The following WDR33 variants were observed in gnomAD, a reference collection of about 807,000 sequenced individuals.
WDR33 encodes the protein pre-mRNA 3' end processing protein WDR33.
A neutral mutation model predicts 164.9 loss-of-function variants in WDR33; 47 were observed. The observed-to-expected ratio is 0.29, with a 90% confidence interval of 0.23 to 0.36. The LOEUF (loss-of-function observed/expected upper bound fraction) is 0.36. Among genes scored for constraint, WDR33 ranks in the 10% least tolerant of loss-of-function variants. The pLI is 1.00. For missense variants in WDR33, 1,137 were observed against 1,754.1 expected (o/e 0.65, Z 6.28); for synonymous variants, 505 against 589.0 (o/e 0.86, Z 2.06).
rs1368572072 is a variant in WDR33 at position 127,704,898 on chromosome 2, G to C, written c.*1425C>G. The C allele has an allele frequency of 6.2e-6, 1 of 162,160 alleles. No homozygotes were observed. The highest frequency in any genetic ancestry group is 1.5e-5 in the Non-Finnish European group (1 of 68,102). The allele number at this position is 162,160 out of a possible 1,614,324, so 10.0% of individuals were successfully genotyped here. On this transcript the variant is annotated 3_prime_UTR_variant, in exon 22 of 22. Coordinates refer to ENST00000322313, the MANE Select transcript of WDR33 (RefSeq NM_018383.5). ...AGCCCAGGAGTTTGAAACCAGCATA[G>C]ACAAAGTGGTGAAACTCCATCTCTA...
chr2:127,731,294 CAAAAAAA>C (rs35161101), intron 7 of WDR33, among the ~76,000 whole-genome samples: 1 of 70,330 alleles, frequency 1.4e-5, no homozygotes, highest in Non-Finnish European at 2.7e-5. Flanking sequence ...GACCCTGCCT[CAAAAAAA>C]AAAAAAAAAA....
rs1686230459 is a variant in WDR33 at position 127,713,621 on chromosome 2, A to G, written c.3270T>C (p.Asp1090=). The G allele has an allele frequency of 6.2e-7, 1 of 1,614,108 alleles. No homozygotes were observed. The highest frequency in any genetic ancestry group is 1.3e-5 in the African/African-American group (1 of 74,944). The change falls in exon 18 of 22, where the codon GAT becomes GAC. Residue 1090 remains aspartate, a synonymous_variant. Coordinates refer to ENST00000322313, the MANE Select transcript of WDR33 (RefSeq NM_018383.5). The surrounding 1 kb of genome is among the most constrained non-coding windows in gnomAD (Gnocchi z 6.2). ...RRPGDERFPR[D]PEDPRFRGRR... is the part of the protein sequence containing the mutation. ...GCCCTCGAAAACGTGGGTCCTCGGGATCCCGGGGGAAACGTTCATCTCCGG... is the reference window on the plus strand; with the variant it reads ...GCCCTCGAAAACGTGGGTCCTCGGGGTCCCGGGGGAAACGTTCATCTCCGG...
chr2:127,706,239 G>A lies in WDR33; in HGVS notation c.*84C>T. The A allele has an allele frequency of 3.1e-6, 4 of 1,294,322 alleles. No homozygotes were observed. The highest frequency in any genetic ancestry group is 4.2e-6 in the Non-Finnish European group (4 of 960,752). 80.2% of individuals were successfully genotyped at this position (1,294,322 alleles called of 1,614,324 possible). On this transcript the variant is annotated 3_prime_UTR_variant, in exon 22 of 22. Transcript: ENST00000322313. This position sits in a 1 kb window ranked among gnomAD's most constrained non-coding sequence, Gnocchi z 5.1. ...AAGAGTTCAGGGCTACAATGGTGCA[G>A]GCTTCCTTTTGTTTCTCTTGGTGAG...
At position 127,709,011 on chromosome 2, in the gene WDR33, G is replaced by T; in HGVS notation, c.3566-119C>A. The T allele has an allele frequency of 8.9e-7, 1 of 1,119,812 alleles. No individual in the cohort carries two copies. The highest frequency in any genetic ancestry group is 1.2e-6 in the Non-Finnish European group (1 of 830,424). The allele number at this position is 1,119,812 out of a possible 1,614,324, so 69.4% of individuals were successfully genotyped here. ...CACCGTTCACTCATGCTGAATGCCC[G>T]CCAGAGGCCAAAGGGTAAGCCACCC... On this transcript the variant is annotated intron_variant, in intron 20 of 21. Coordinates refer to ENST00000322313, the MANE Select transcript of WDR33 (RefSeq NM_018383.5). The surrounding 1 kb of genome is among the most constrained non-coding windows in gnomAD (Gnocchi z 5.0).
chr2:127,723,929 T>C lies in WDR33; in HGVS notation c.1196+404A>G, dbSNP rs1320564063. 8.6e-5 allele frequency among the ~76,000 whole-genome samples: 13 copies of C among 151,844 alleles called. No homozygotes were observed. Among genetic ancestry groups the C allele is most frequent in the African/African-American group, 3.1e-4 (13 of 41,316 alleles). On this transcript the variant is annotated intron_variant, in intron 11 of 21. Coordinates refer to ENST00000322313, the MANE Select transcript of WDR33 (RefSeq NM_018383.5). This position sits in a 1 kb window ranked among gnomAD's most constrained non-coding sequence, Gnocchi z 5.9. ...CCATCTCTACAAAAAATGCAAAAAT[T>C]AGCCAGGTGTGGTGGTGTGCTCCTA...
rs1421544775 is a variant in WDR33 at position 127,706,830 on chromosome 2, C to G, written c.3782-278G>C. Among the ~76,000 whole-genome samples, 1 of 152,226 alleles carries G rather than the reference C, an allele frequency of 6.6e-6. No homozygotes were observed. The highest frequency in any genetic ancestry group is 6.5e-5 in the Admixed American group (1 of 15,280). ...GAAGCCAAGAGATGAGCAAGGAGCA[C>G]CTTCAGGGAGACCCGGGCCACACTG... On this transcript the variant is annotated intron_variant, in intron 21 of 21. Transcript: ENST00000322313. This position sits in a 1 kb window ranked among gnomAD's most constrained non-coding sequence, Gnocchi z 5.1.
chr2:127,810,409 C>T (rs1035698315), intron 1 of WDR33, among the ~76,000 whole-genome samples: 1 of 152,170 alleles, frequency 6.6e-6, no homozygotes, highest in East Asian at 1.9e-4. Context: ...ATTGTCATTT[C>T]TTTTAAGAAG....
intron 1 of WDR33, among the ~76,000 whole-genome samples, chr2:127,786,144 T>A (rs1293957129): frequency 6.6e-6 from 1 of 152,214 alleles, no homozygotes; most frequent in Non-Finnish European, 1.5e-5. Flanking sequence ...AACAATCCTC[T>A]CACCTCAGCC....
In WDR33 at chr2:127,708,743, G is replaced by C; in HGVS notation, c.3715C>G (p.Pro1239Ala). 1 of 1,613,840 alleles carries C rather than the reference G, an allele frequency of 6.2e-7. No homozygotes were observed. Among genetic ancestry groups the C allele is most frequent in the Non-Finnish European group, 8.5e-7 (1 of 1,179,858 alleles). Residue 1239 changes from proline to alanine, a missense_variant, in exon 21 of 22, where the codon CCA becomes GCA. Transcript: ENST00000322313. The surrounding 1 kb of genome is among the most constrained non-coding windows in gnomAD (Gnocchi z 6.7). ...PPRKRPWHDG[P>A]GTSEHREMEA... ...ATCTCTCTGTGCTCAGAAGTGCCTG[G>C]GCCATCATGCCAGGGGCGCTTTCGG...
At chr2:127,787,577 GGCAGAGGGGC>G in intron 1 of WDR33, among the ~76,000 whole-genome samples, 1 of 104,462 alleles carries the variant, frequency 9.6e-6, no homozygotes. Context: ...CGGCTGGCCG[GGCAGAGGGGC>G]TCCTCACTTC....
At chr2:127,800,255 A>G (rs975116599) in intron 1 of WDR33, among the ~76,000 whole-genome samples, 20 of 152,208 alleles carry the variant, frequency 1.3e-4, no homozygotes, top group Admixed American at 1.1e-3. Context: ...AAACAATCCT[A>G]ATGTCCATCA....
At position 127,763,681 on chromosome 2, in the gene WDR33, G is replaced by A. The variant is rs567318961; in HGVS notation, c.627-522C>T. The A allele has an allele frequency of 3.6e-5, 35 of 985,704 alleles. No homozygotes were observed. The highest frequency in any genetic ancestry group is 4.2e-5 in the Non-Finnish European group (35 of 830,166). 61.1% of individuals were successfully genotyped at this position (985,704 alleles called of 1,614,324 possible). A position where few individuals can be genotyped will look rare whatever the true frequency, so the allele number is the denominator to read the frequency against. ...ATCCATTTCAAAGGTCTGTAGAAAA[G>A]TTTCACATCTTCCTGGCAAGCTATT... On this transcript the variant is annotated intron_variant, in intron 6 of 21. Transcript: ENST00000322313. This position sits in a 1 kb window ranked among gnomAD's most constrained non-coding sequence, Gnocchi z 4.5.
At chr2:127,806,980 A>G (rs1689461373) in intron 1 of WDR33, among the ~76,000 whole-genome samples, 1 of 152,172 alleles carries the variant, frequency 6.6e-6, no homozygotes, top group Non-Finnish European at 1.5e-5. Flanking sequence ...TGTTCACTGT[A>G]GTATTCTTTC....
intron 1 of WDR33, among the ~76,000 whole-genome samples, chr2:127,788,702 A>ACC (rs1313499417): frequency 7.9e-6 from 1 of 126,760 alleles, no homozygotes; most frequent in African/African-American, 3.0e-5. Flanking sequence ...TGGGGGGCTG[A>ACC]CCCCCCCACC....
At position 127,735,690 on chromosome 2, in the gene WDR33, GA is replaced by G; in HGVS notation, c.725-8914del. ...GATCAGTTTAAGACAAAGGGTATATGAGTACCCATGGCCCATAGCCAGATAC... is the reference window on the plus strand; with the variant it reads ...GATCAGTTTAAGACAAAGGGTATATGGTACCCATGGCCCATAGCCAGATAC... On this transcript the variant is annotated intron_variant, in intron 7 of 21. Transcript: ENST00000322313. The surrounding 1 kb of genome is among the most constrained non-coding windows in gnomAD (Gnocchi z 4.3). The G allele has an allele frequency of 1.0e-6, 1 of 985,672 alleles. No individual in the cohort carries two copies. The highest frequency in any genetic ancestry group is 1.2e-6 in the Non-Finnish European group (1 of 829,862). 61.1% of individuals were successfully genotyped at this position (985,672 alleles called of 1,614,324 possible).
intron 7 of WDR33, among the ~76,000 whole-genome samples, chr2:127,739,333 G>A (rs778513857): frequency 5.3e-5 from 8 of 151,896 alleles, no homozygotes; most frequent in Non-Finnish European, 1.0e-4. Context: ...ACTTACAGTC[G>A]ACTATGATTT....
chr2:127,775,277 C>T (rs1238394281), intron 1 of WDR33, among the ~76,000 whole-genome samples: 1 of 152,238 alleles, frequency 6.6e-6, no homozygotes, highest in Non-Finnish European at 1.5e-5. Context: ...TAACCTCCGC[C>T]TCCCAGGTTC....
intron 1 of WDR33, among the ~76,000 whole-genome samples, chr2:127,786,902 C>G (rs1688599004): frequency 8.9e-6 from 1 of 112,720 alleles, no homozygotes; most frequent in East Asian, 2.6e-4. Flanking sequence ...GTGTTTCTCA[C>G]AGAGGGGGAT....
intron 1 of WDR33, among the ~76,000 whole-genome samples, chr2:127,790,178 C>G (rs1356798651): frequency 6.6e-6 from 1 of 152,136 alleles, no homozygotes; most frequent in Non-Finnish European, 1.5e-5. Flanking sequence ...TTGTCAAATA[C>G]TTATTCTCCA....
Sources: gnomAD v4.1 joint callset for allele counts (sites outside exome capture counted in the v4.1 genomes callset) on GRCh38, gnomAD v4.1.1 for gene constraint, Gnocchi (gnomAD v3.1) non-coding constraint, MANE v1.5 for transcripts, NCBI Gene and HGNC (gene_info 2026-07-23, HGNC 2026-07-21) for gene names.